Variants in RANBP2 observed in about 807,000 individuals in gnomAD.
The protein encoded by RANBP2 is RAN binding protein 2, also known as E3 SUMO-protein ligase RanBP2.
RANBP2 carries 57 observed loss-of-function variants against 303.6 expected under a neutral mutation model. That is an observed-to-expected ratio of 0.19 (90% CI 0.15 to 0.23). The LOEUF is 0.23. Among genes scored for constraint, RANBP2 ranks in the 10% least tolerant of loss-of-function variants. The probability of loss-of-function intolerance (pLI) is 1.00; values close to 1 mark genes in which losing one functional copy is unlikely to be tolerated. For missense variants in RANBP2, 3,138 were observed against 3,780.8 expected, an observed-to-expected ratio of 0.83 and a Z score of 4.46; for synonymous variants, 1,167 against 1,301.5, an observed-to-expected ratio of 0.90 and a Z score of 2.23.
the RANBP2 span, among the ~76,000 whole-genome samples, chr2:108,857,570 T>G: frequency 6.6e-6 from 1 of 152,226 alleles, no homozygotes; most frequent in Non-Finnish European, 1.5e-5. Context: ...GTTTATTTTC[T>G]TCTCCTGTCC....
the RANBP2 span, chr2:109,615,795 G>C: frequency 6.2e-7 from 1 of 1,614,136 alleles, no homozygotes; most frequent in Non-Finnish European, 8.5e-7. Context: ...AGAAGATGGA[G>C]GGGACCATCA....
At chr2:109,629,031 C>T in the RANBP2 span, among the ~76,000 whole-genome samples, 4 of 151,358 alleles carry the variant, frequency 2.6e-5, no homozygotes, top group African/African-American at 9.7e-5. Context: ...GGTAAAACCT[C>T]GTCTCTACTA....
At chr2:109,306,994 A>G in the RANBP2 span, among the ~76,000 whole-genome samples, 1 of 152,226 alleles carries the variant, frequency 6.6e-6, no homozygotes. Context: ...CAACACAGGT[A>G]ACATAATTGA....
chr2:109,236,228 A>G, the RANBP2 span, among the ~76,000 whole-genome samples: 1 of 152,226 alleles, frequency 6.6e-6, no homozygotes. Flanking sequence ...AATGTAATAT[A>G]CTTGCCTTTG....
At chr2:109,338,590 C>G in the RANBP2 span, among the ~76,000 whole-genome samples, 1 of 152,226 alleles carries the variant, frequency 6.6e-6, no homozygotes, top group Non-Finnish European at 1.5e-5. Context: ...CAGAACCTCA[C>G]TCTGTTGCCC....
At chr2:109,357,778 C>T in the RANBP2 span, among the ~76,000 whole-genome samples, 233 of 152,192 alleles carry the variant, frequency 1.5e-3, 3 homozygotes, top group African/African-American at 5.4e-3. Context: ...TTTTTAGAGC[C>T]GTTGTAAGTT....
At chr2:109,371,611 G>A in the RANBP2 span, 2 of 1,614,074 alleles carry the variant, frequency 1.2e-6, no homozygotes, top group Non-Finnish European at 1.7e-6. Flanking sequence ...GTGCTCAGGA[G>A]AGTGGATGAG....
the RANBP2 span, among the ~76,000 whole-genome samples, chr2:109,389,086 G>T: frequency 6.6e-6 from 1 of 152,222 alleles, no homozygotes; most frequent in African/African-American, 2.4e-5. Flanking sequence ...AAGTTCAGGT[G>T]CCACTCACCA....
At chr2:109,338,262 C>T in the RANBP2 span, among the ~76,000 whole-genome samples, 17 of 152,206 alleles carry the variant, frequency 1.1e-4, no homozygotes, top group Admixed American at 8.5e-4. Context: ...ATACTTAGCA[C>T]GCTTGTTTTG....
At chr2:108,803,188 A>G in the RANBP2 span, among the ~76,000 whole-genome samples, 1 of 152,228 alleles carries the variant, frequency 6.6e-6, no homozygotes, top group Non-Finnish European at 1.5e-5. Flanking sequence ...ACTGAGCTCC[A>G]TTCTCCAAGC....
chr2:109,112,574 G>T, the RANBP2 span, among the ~76,000 whole-genome samples: 127 of 151,504 alleles, frequency 8.4e-4, 1 homozygote, highest in African/African-American at 2.6e-3. Context: ...TTTCTCCCAT[G>T]TTGTAGGTTG....
At chr2:108,741,256 G>T (rs1573734682) in intron 7 of RANBP2, among the ~76,000 whole-genome samples, 1 of 152,142 alleles carries the variant, frequency 6.6e-6, no homozygotes, top group East Asian at 1.9e-4. Context: ...GAGTGCAGTG[G>T]CGTGATCTCG....
the RANBP2 span, among the ~76,000 whole-genome samples, chr2:109,110,405 A>G: frequency 6.6e-6 from 1 of 152,112 alleles, no homozygotes; most frequent in Non-Finnish European, 1.5e-5. Flanking sequence ...TTTCCAACAT[A>G]TCCGTGTCCT....
At chr2:108,737,240 G>A (rs1695661466) in intron 6 of RANBP2, among the ~76,000 whole-genome samples, 1 of 151,526 alleles carries the variant, frequency 6.6e-6, no homozygotes, top group Admixed American at 6.6e-5. Context: ...TGTATTCTTT[G>A]TATACTCAAA....
At chr2:109,191,160 C>T in the RANBP2 span, among the ~76,000 whole-genome samples, 5 of 152,158 alleles carry the variant, frequency 3.3e-5, no homozygotes, top group East Asian at 1.9e-4. Context: ...GGGTCCCCAA[C>T]GTGCTATCAA....
chr2:109,594,906 G>A, the RANBP2 span: 1 of 136,964 alleles, frequency 7.3e-6, no homozygotes, highest in African/African-American at 2.7e-5. Flanking sequence ...TTTTTTTTTT[G>A]AGACAGAGTC....
chr2:109,703,057 T>C, the RANBP2 span, among the ~76,000 whole-genome samples: 1 of 152,318 alleles, frequency 6.6e-6, no homozygotes, highest in African/African-American at 2.4e-5. Flanking sequence ...AAAAGATTTG[T>C]CATTCTGAGT....
chr2:109,277,348 G>T, the RANBP2 span, among the ~76,000 whole-genome samples: 2 of 152,170 alleles, frequency 1.3e-5, no homozygotes, highest in African/African-American at 4.8e-5. Flanking sequence ...TATTTTCTCA[G>T]TGTCATTTCA....
chr2:109,598,358 G>C, the RANBP2 span, among the ~76,000 whole-genome samples: 2 of 152,016 alleles, frequency 1.3e-5, no homozygotes, highest in African/African-American at 4.8e-5. Flanking sequence ...GTGAGCCACT[G>C]CGCCCGGCCC....
Sources: gnomAD v4.1 joint callset for allele counts (sites outside exome capture counted in the v4.1 genomes callset) on GRCh38, gnomAD v4.1.1 for gene constraint, MANE v1.5 for transcripts, NCBI Gene and HGNC (gene_info 2026-07-23, HGNC 2026-07-21) for gene names.